The following UBE2G1 variants were observed in gnomAD, a reference collection of about 807,000 sequenced individuals.
UBE2G1 encodes ubiquitin-conjugating enzyme E2 G1.
In UBE2G1, 5 loss-of-function variants were observed where a neutral mutation model predicts 22.7. The observed-to-expected ratio is 0.22, with a 90% confidence interval of 0.12 to 0.46. The LOEUF is 0.46. UBE2G1 is among the 20% of genes least tolerant of loss of function. The pLI is 0.99. For synonymous variants in UBE2G1, 74 were observed against 67.5 expected (o/e 1.10, Z -0.47); for missense variants, 88 against 203.9 (o/e 0.43, Z 3.46).
chr17:4,310,748 A>T (rs1445887769), intron 1 of UBE2G1, among the ~76,000 whole-genome samples: 1 of 152,244 alleles, frequency 6.6e-6, no homozygotes, highest in Non-Finnish European at 1.5e-5. Context: ...GATTGTTTAA[A>T]AAGGCATGAT....
intron 5 of UBE2G1, among the ~76,000 whole-genome samples, chr17:4,273,166 G>A (rs1392591697): frequency 6.6e-6 from 1 of 152,170 alleles, no homozygotes; most frequent in East Asian, 1.9e-4. Context: ...ATAAAAAGCA[G>A]CACCGCCTCA....
intron 5 of UBE2G1, among the ~76,000 whole-genome samples, chr17:4,280,638 G>T (rs1391639513): frequency 6.7e-6 from 1 of 148,916 alleles, no homozygotes; most frequent in East Asian, 2.0e-4. Flanking sequence ...GCCCGGCTGG[G>T]AATCTTTTTT....
intron 5 of UBE2G1, among the ~76,000 whole-genome samples, chr17:4,281,393 G>C (rs566281123): frequency 6.6e-6 from 1 of 152,296 alleles, no homozygotes; most frequent in African/African-American, 2.4e-5. Flanking sequence ...CCCAGAGTTA[G>C]GAATATGAGA....
Position 4,302,583 on chromosome 17 carries a change from G to T in UBE2G1, c.149+4438C>A. The T allele has an allele frequency of 5.1e-6, 2 of 391,150 alleles. 1 individual carries two copies. Among genetic ancestry groups the T allele is most frequent in the South Asian group, 4.4e-5 (2 of 45,894 alleles). The allele number at this position is 391,150 out of a possible 1,614,324, so 24.2% of individuals were successfully genotyped here. On this transcript the variant is annotated intron_variant, in intron 2 of 5. Transcript: ENST00000396981. Reference sequence around the variant, plus strand: ...TTTTTAGAAGTTTTCTTCATTGCCTGTGATTCTATGTGACTTTTATCTGTG... The same window carrying T: ...TTTTTAGAAGTTTTCTTCATTGCCTTTGATTCTATGTGACTTTTATCTGTG...
chr17:4,303,832 T>C (rs1016635171), intron 2 of UBE2G1, among the ~76,000 whole-genome samples: 1 of 152,274 alleles, frequency 6.6e-6, no homozygotes, highest in Admixed American at 6.5e-5. Flanking sequence ...ACACATAATC[T>C]TAAGATTCTC....
intron 1 of UBE2G1, among the ~76,000 whole-genome samples, chr17:4,360,417 C>T (rs914364051): frequency 6.6e-6 from 1 of 151,986 alleles, no homozygotes; most frequent in Non-Finnish European, 1.5e-5. Context: ...CCAAAAGAGG[C>T]GAAGGATTGA....
At chr17:4,355,243 T>C (rs1264520692) in intron 1 of UBE2G1, among the ~76,000 whole-genome samples, 2 of 151,564 alleles carry the variant, frequency 1.3e-5, no homozygotes, top group South Asian at 2.1e-4. Flanking sequence ...CCTCAGGTGA[T>C]CCACCTGCCT....
At chr17:4,296,914 C>A (rs1598184504) in intron 2 of UBE2G1, 100 bp from the exon 3 acceptor site, 4 of 1,000,210 alleles carry the variant, frequency 4.0e-6, no homozygotes, top group Admixed American at 2.3e-5. Flanking sequence ...GCACTAACAT[C>A]AAAAATGAAG....
chr17:4,289,374 A>G lies in UBE2G1; in HGVS notation c.282T>C (p.Leu94=). Residue 94 remains leucine (L), a synonymous_variant, in exon 4 of 6, where the codon CTT becomes CTC. Transcript: ENST00000396981. ...CATACTTATCTTCCCCAGGCTCATGAAGAATAGAAATGCACACATCACCAT... is the reference window on the plus strand; with the variant it reads ...CATACTTATCTTCCCCAGGCTCATGGAGAATAGAAATGCACACATCACCAT... ...DKNGDVCISI[L]HEPGEDKYGY... The G allele has an allele frequency of 6.4e-7, 1 of 1,572,918 alleles. No individual in the cohort carries two copies.
chr17:4,326,017 G>A (rs1020539690), intron 1 of UBE2G1, among the ~76,000 whole-genome samples: 3 of 151,944 alleles, frequency 2.0e-5, no homozygotes, highest in East Asian at 3.9e-4. Context: ...AAAACTCTCA[G>A]GCGAAAAAAT....
At chr17:4,328,273 ATG>A (rs145720119) in intron 1 of UBE2G1, among the ~76,000 whole-genome samples, 7,103 of 152,244 alleles carry the variant, frequency 0.047, 584 homozygotes, top group African/African-American at 0.16. Flanking sequence ...AGTAAACAAA[ATG>A]AGAAATGCTT....
At chr17:4,286,764 AG>A (rs1304370785) in intron 4 of UBE2G1, among the ~76,000 whole-genome samples, 1 of 152,170 alleles carries the variant, frequency 6.6e-6, no homozygotes, top group Admixed American at 6.5e-5. Flanking sequence ...TAAAAGGGCC[AG>A]GTGCAGTAGC....
At chr17:4,329,574 G>C (rs371505957) in intron 1 of UBE2G1, among the ~76,000 whole-genome samples, 8 of 151,968 alleles carry the variant, frequency 5.3e-5, no homozygotes, top group African/African-American at 1.9e-4. Flanking sequence ...AAGAGACTGA[G>C]ACTCTTCTTT....
chr17:4,309,795 G>C (rs1347541855), intron 1 of UBE2G1, among the ~76,000 whole-genome samples: 3 of 152,128 alleles, frequency 2.0e-5, no homozygotes, highest in Non-Finnish European at 4.4e-5. Context: ...CAGAAGTCCA[G>C]GGTTTATAAA....
At chr17:4,292,902 T>C (rs1358006616) in intron 3 of UBE2G1, among the ~76,000 whole-genome samples, 1 of 152,208 alleles carries the variant, frequency 6.6e-6, no homozygotes, top group Non-Finnish European at 1.5e-5. Context: ...GTAGCAAGTA[T>C]ACCTCAAGAA....
At chr17:4,357,992 C>G (rs1403317390) in intron 1 of UBE2G1, among the ~76,000 whole-genome samples, 1 of 151,388 alleles carries the variant, frequency 6.6e-6, no homozygotes, top group Admixed American at 6.6e-5. Context: ...GAGACCCTGT[C>G]TCTTAAAAAA....
intron 1 of UBE2G1, among the ~76,000 whole-genome samples, chr17:4,362,755 G>A (rs1030369680): frequency 6.6e-6 from 1 of 151,832 alleles, no homozygotes; most frequent in Non-Finnish European, 1.5e-5. Flanking sequence ...AGCTACTGGG[G>A]GCCGCAGGGG....
chr17:4,335,365 TC>T (rs1969633420), intron 1 of UBE2G1: 1 of 152,138 alleles, frequency 6.6e-6, no homozygotes, highest in African/African-American at 2.4e-5. Flanking sequence ...CCCAGACTTC[TC>T]TAGAGTAACC....
At chr17:4,331,037 T>C (rs1332718248) in intron 1 of UBE2G1, among the ~76,000 whole-genome samples, 2 of 149,820 alleles carry the variant, frequency 1.3e-5, no homozygotes, top group East Asian at 1.9e-4. Context: ...TTCACCTTTC[T>C]TGGGAATTTT....
Sources: gnomAD v4.1 joint callset for allele counts (sites outside exome capture counted in the v4.1 genomes callset) on GRCh38, gnomAD v4.1.1 for gene constraint, MANE v1.5 for transcripts, NCBI Gene and HGNC (gene_info 2026-07-23, HGNC 2026-07-21) for gene names.